THAP4: variants seen among roughly 807,000 people sequenced by gnomAD.
THAP4 encodes the protein THAP domain containing 4.
Under a neutral mutation model 48.1 loss-of-function variants are expected in THAP4, and 18 were observed. The observed-to-expected ratio is 0.37, with a 90% CI of 0.26 to 0.56. The LOEUF (loss-of-function observed/expected upper bound fraction) is 0.56, where lower values mean the gene tolerates loss of function less well. THAP4 is among the 20% of genes least tolerant of loss of function. THAP4 has a pLI of 0.78. For missense variants in THAP4, 656 were observed against 774.9 expected, an observed-to-expected ratio of 0.85 and a Z score of 1.82; for synonymous variants, 345 against 324.9, an observed-to-expected ratio of 1.06 and a Z score of -0.66.
At chr2:241,602,441 C>T (rs183812412) in intron 4 of THAP4, among the ~76,000 whole-genome samples, 1,836 of 151,950 alleles carry the variant, frequency 0.012, 14 homozygotes, top group Non-Finnish European at 0.021. Flanking sequence ...CTTGGCTCAC[C>T]GCAACCTCTG....
chr2:241,603,996 CAAAA>C (rs1277570450), intron 3 of THAP4, among the ~76,000 whole-genome samples: 1 of 145,294 alleles, frequency 6.9e-6, no homozygotes, highest in African/African-American at 2.5e-5. Context: ...AAAATAAAAA[CAAAA>C]AAACCAAACC....
intron 2 of THAP4, among the ~76,000 whole-genome samples, chr2:241,625,053 T>C (rs2067480272): frequency 6.6e-6 from 1 of 152,188 alleles, no homozygotes. Context: ...CAAGCCCTGC[T>C]AGCTTCATTG....
chr2:241,619,475 A>G lies in THAP4; in HGVS notation c.1241-13002T>C, dbSNP rs1244950454. On this transcript the variant is annotated intron_variant, in intron 2 of 5. Coordinates refer to ENST00000407315, the MANE Select transcript of THAP4 (RefSeq NM_015963.6). Reference sequence around the variant, plus strand: ...CACAGCCTGTGCTCCCAGGCTACACACCCCAGTGTGTTACTGAATACTGTA... The same window carrying G: ...CACAGCCTGTGCTCCCAGGCTACACGCCCCAGTGTGTTACTGAATACTGTA... Among the ~76,000 whole-genome samples the G allele has an allele frequency of 1.3e-5, 2 of 152,206 alleles. 1 individual carries two copies. Among genetic ancestry groups the G allele is most frequent in the East Asian group, 3.8e-4 (2 of 5,198 alleles).
intron 2 of THAP4, among the ~76,000 whole-genome samples, chr2:241,625,797 C>CAAAA (rs147602587): frequency 3.8e-4 from 19 of 50,166 alleles, no homozygotes; most frequent in Non-Finnish European, 4.8e-4. Flanking sequence ...GACTCCGTCT[C>CAAAA]AAAAAAAAAA....
chr2:241,632,268 T>G (rs1213794518), intron 2 of THAP4, among the ~76,000 whole-genome samples: 4 of 152,058 alleles, frequency 2.6e-5, no homozygotes, highest in Non-Finnish European at 5.9e-5. Flanking sequence ...AGTTTTTGTA[T>G]GTTTTAGTAG....
rs1003053629 is a variant in THAP4 at position 241,636,629 on chromosome 2, G to A, written c.77+312C>T. The stretch of plus-strand genomic sequence containing the variant: ...CGCGCGGTCCGGAGAGTCAGCAGTC[G>A]CGGCCGAGCAGGACAATCGGCCCAG... On this transcript the variant is annotated intron_variant, in intron 1 of 5. Coordinates refer to ENST00000407315, the MANE Select transcript of THAP4 (RefSeq NM_015963.6). Among the ~76,000 whole-genome samples, 49 of 152,294 alleles carry A rather than the reference G, an allele frequency of 3.2e-4. 1 individual carries two copies. The highest frequency in any genetic ancestry group is 3.2e-3 in the Admixed American group (49 of 15,302).
intron 2 of THAP4, among the ~76,000 whole-genome samples, chr2:241,613,616 G>A (rs1009904769): frequency 2.0e-5 from 3 of 152,018 alleles, no homozygotes; most frequent in Non-Finnish European, 4.4e-5. Context: ...TTGGCTGGGC[G>A]TGGTGGCACG....
intron 2 of THAP4, among the ~76,000 whole-genome samples, chr2:241,627,805 CCT>C (rs963606761): frequency 1.9e-4 from 29 of 152,206 alleles, no homozygotes; most frequent in African/African-American, 6.3e-4. Context: ...TCCTGCCACC[CCT>C]GTGCCCACAC....
At chr2:241,632,008 A>C (rs965603053) in intron 2 of THAP4, among the ~76,000 whole-genome samples, 12 of 152,074 alleles carry the variant, frequency 7.9e-5, no homozygotes, top group Admixed American at 2.0e-4. Flanking sequence ...CCCAGGTTCA[A>C]GCTATTCTCC....
chr2:241,632,884 G>T, intron 2 of THAP4, 33 bp downstream of exon 2: 1 of 1,508,482 alleles, frequency 6.6e-7, no homozygotes, highest in Non-Finnish European at 8.9e-7. Flanking sequence ...CTAACGGGAA[G>T]GGAACATGGG....
chr2:241,602,882 T>C (rs1458354022), intron 4 of THAP4, 88 bp downstream of exon 4: 8 of 1,001,530 alleles, frequency 8.0e-6, no homozygotes, highest in Admixed American at 7.1e-5. Context: ...CTCAGCAGGG[T>C]TGCACATGGG....
At chr2:241,606,238 G>T in intron 3 of THAP4, 76 bp downstream of exon 3, 1 of 1,357,246 alleles carries the variant, frequency 7.4e-7, no homozygotes, top group Non-Finnish European at 9.8e-7. Flanking sequence ...CTTTGTCTTT[G>T]ATCAGTCTGG....
At chr2:241,588,260 G>A (rs1173547198) in intron 5 of THAP4, among the ~76,000 whole-genome samples, 3 of 152,236 alleles carry the variant, frequency 2.0e-5, no homozygotes, top group Middle Eastern at 3.4e-3. Context: ...AAACCAATAC[G>A]TTGAAAACTA....
At chr2:241,630,147 GA>G (rs1238641682) in intron 2 of THAP4, among the ~76,000 whole-genome samples, 2 of 151,782 alleles carry the variant, frequency 1.3e-5, no homozygotes, top group Non-Finnish European at 2.9e-5. Flanking sequence ...TGTGTGCACT[GA>G]AAAATCTGTC....
At chr2:241,613,508 C>G (rs1036529888) in intron 2 of THAP4, among the ~76,000 whole-genome samples, 1 of 152,150 alleles carries the variant, frequency 6.6e-6, no homozygotes, top group Non-Finnish European at 1.5e-5. Flanking sequence ...AATCCCAGCC[C>G]TTTGGGAGGC....
intron 5 of THAP4, among the ~76,000 whole-genome samples, chr2:241,590,400 T>G (rs1216466296): frequency 7.5e-6 from 1 of 132,918 alleles, no homozygotes; most frequent in African/African-American, 2.9e-5. Flanking sequence ...ACTAGGACAC[T>G]CAGAGCTGCT....
chr2:241,588,097 G>C (rs1340980129), intron 5 of THAP4, among the ~76,000 whole-genome samples: 1 of 151,914 alleles, frequency 6.6e-6, no homozygotes, highest in Non-Finnish European at 1.5e-5. Flanking sequence ...AGAAATGAAT[G>C]AATTTAACAA....
chr2:241,628,546 A>T (rs940770512), intron 2 of THAP4, among the ~76,000 whole-genome samples: 2 of 151,934 alleles, frequency 1.3e-5, no homozygotes, highest in African/African-American at 4.8e-5. Flanking sequence ...CCCTGAACCC[A>T]GCCAGTACTC....
intron 1 of THAP4, among the ~76,000 whole-genome samples, chr2:241,634,537 T>C (rs1018981071): frequency 6.6e-6 from 1 of 152,336 alleles, no homozygotes; most frequent in East Asian, 1.9e-4. Context: ...CAGGACTGCA[T>C]GGAGGCAGCC....
Sources: allele counts gnomAD v4.1 joint callset (sites outside exome capture counted in the v4.1 genomes callset), GRCh38; gene constraint gnomAD v4.1.1; transcripts MANE v1.5; gene names NCBI Gene and HGNC (gene_info 2026-07-23, HGNC 2026-07-21).